GCC2: variants seen among roughly 807,000 people sequenced by gnomAD.
The protein encoded by GCC2 is GRIP and coiled-coil domain-containing protein 2.
In GCC2, 120 loss-of-function variants were observed where a neutral mutation model predicts 210.6. The ratio of observed to expected loss-of-function variants is 0.57; its 90% CI spans 0.49 to 0.66. GCC2 has a LOEUF of 0.66. Ranked by LOEUF, GCC2 falls within the 30% of genes least tolerant of loss-of-function variation. The probability of loss-of-function intolerance (pLI) is 0.00; values close to 1 mark genes in which losing one functional copy is unlikely to be tolerated. For missense variants in GCC2, 1,868 were observed against 1,871.9 expected, an observed-to-expected ratio of 1.00 and a Z score of 0.04; for synonymous variants, 703 against 652.7, an observed-to-expected ratio of 1.08 and a Z score of -1.17.
intron 3 of GCC2, among the ~76,000 whole-genome samples, chr2:108,451,772 T>G (rs1485468020): frequency 1.3e-5 from 2 of 152,050 alleles, no homozygotes; most frequent in Non-Finnish European, 2.9e-5. Flanking sequence ...TGGAAAGAAG[T>G]TCTAGGCCTG....
At position 108,471,109 on chromosome 2, in the gene GCC2, G is replaced by A. The variant is rs550791699; in HGVS notation, c.1780G>A (p.Glu594Lys). Residue 594 changes from glutamate (E) to lysine (K), a missense_variant, in exon 6 of 23, where the codon GAG becomes AAG. By Grantham distance (56) the Glu-to-Lys change is moderately conservative. Transcript: ENST00000309863. ...AGAAGGAAAGATAAATTCTCTTACT[G>A]AGGAAAAAGATGATTTTATAAATAA... is the stretch of plus-strand genomic sequence containing the variant. ...ELEGKINSLT[E>K]EKDDFINKLK... 1.3e-6 allele frequency: 2 copies of A among 1,582,598 alleles called. No homozygotes were observed. Among genetic ancestry groups the A allele is most frequent in the Non-Finnish European group, 1.7e-6 (2 of 1,155,598 alleles).
At chr2:108,482,041 G>C (rs1213925982) in intron 10 of GCC2, among the ~76,000 whole-genome samples, 1 of 152,044 alleles carries the variant, frequency 6.6e-6, no homozygotes. Context: ...TTTGTTTGGG[G>C]GTTTGTTTGT....
intron 19 of GCC2, 105 bp from the exon 20 acceptor site, chr2:108,495,186 T>C: frequency 1.6e-6 from 1 of 623,706 alleles, no homozygotes; most frequent in South Asian, 2.0e-5. Flanking sequence ...ACTTAATTCC[T>C]CTACTCTTAT....
chr2:108,462,572 T>TC (rs1680655853), intron 4 of GCC2: 1 of 140,978 alleles, frequency 7.1e-6, no homozygotes, highest in Non-Finnish European at 1.6e-5. Context: ...TTTTTTTTTT[T>TC]TTTTTTTTGA....
At chr2:108,449,335 G>C (rs1190732493) in intron 1 of GCC2, 55 bp downstream of exon 1, 3 of 1,537,298 alleles carry the variant, frequency 2.0e-6, no homozygotes, top group South Asian at 1.2e-5. Context: ...CGCGATTTGG[G>C]ATGTGGGAGT....
intron 15 of GCC2, 147 bp downstream of exon 15, chr2:108,486,055 C>T (rs1186157439): frequency 8.9e-6 from 5 of 562,518 alleles, no homozygotes; most frequent in East Asian, 6.0e-5. Context: ...TCAAGTCTGG[C>T]ATATAACTGG....
chr2:108,452,310 G>T (rs1679986931), intron 3 of GCC2, 89 bp from the exon 4 acceptor site: 1 of 764,790 alleles, frequency 1.3e-6, no homozygotes, highest in Non-Finnish European at 2.4e-6. Flanking sequence ...GCAGATTTAT[G>T]GGGGGTTTTG....
chr2:108,492,609 A>C lies in GCC2; in HGVS notation c.4266A>C (p.Lys1422Asn), dbSNP rs1682458242. The C allele has an allele frequency of 6.2e-7, 1 of 1,613,368 alleles. No individual in the cohort carries two copies. The highest frequency in any genetic ancestry group is 1.3e-5 in the African/African-American group (1 of 74,928). Residue 1422 changes from lysine (K) to asparagine (N), a missense_variant, in exon 19 of 23, where the codon AAA (lysine) becomes AAC (asparagine). By Grantham distance (94) the Lys-to-Asn change is moderately conservative. Around this residue, in one of 3 missense-constraint regions of GCC2, gnomAD observed 1,847 missense variants for 1,765.2 expected, o/e 1.05. Transcript: ENST00000309863. ...TACAGTCAGAGAACATGATGATGAA[A>C]TCTGAACATACACAGACTGTGAGTC... ...CSIQSENMMM[K>N]SEHTQTVSQL...
rs1360736429 is a variant in GCC2, at chr2:108,496,980, A to G, written c.4653A>G (p.Leu1551=). 2 of 1,612,048 alleles carry G rather than the reference A, an allele frequency of 1.2e-6. No individual in the cohort carries two copies. The highest frequency in any genetic ancestry group is 1.7e-6 in the Non-Finnish European group (2 of 1,179,858). The change falls in exon 21 of 23, where the codon TTA becomes TTG. Residue 1551 remains leucine, a synonymous_variant. Coordinates refer to ENST00000309863, the MANE Select transcript of GCC2 (RefSeq NM_181453.4). ...AACAACATGTTGCAGAGCCTCCATT[A>G]TGGCATGCTGAATTTACCAAAGAAG... ...NSPETKLEPP[L]WHAEFTKEEL...
chr2:108,468,925 T>A, intron 4 of GCC2, 55 bp from the exon 5 acceptor site: 1 of 1,096,042 alleles, frequency 9.1e-7, no homozygotes, highest in South Asian at 1.2e-5. Context: ...TAATTACGCA[T>A]GTGGTCAATC....
chr2:108,450,750 C>T (rs1171553156), intron 2 of GCC2, among the ~76,000 whole-genome samples: 1 of 152,074 alleles, frequency 6.6e-6, no homozygotes, highest in African/African-American at 2.4e-5. Flanking sequence ...GACGTGGTAG[C>T]GGGCGCCTAT....
intron 17 of GCC2, among the ~76,000 whole-genome samples, chr2:108,488,604 ACTTTT>A: frequency 6.6e-6 from 1 of 152,184 alleles, no homozygotes; most frequent in East Asian, 1.9e-4. Flanking sequence ...CTAGAATTAA[ACTTTT>A]CTTATTTATG....
chr2:108,503,320 TA>T (rs1159045841), intron 22 of GCC2, among the ~76,000 whole-genome samples: 1 of 152,172 alleles, frequency 6.6e-6, no homozygotes, highest in African/African-American at 2.4e-5. Flanking sequence ...TCTCATGTAC[TA>T]AAAGAAATAA....
In GCC2 at chr2:108,470,931, C is replaced by G; in HGVS notation, c.1602C>G (p.Leu534=). ...CTTTTACTGAAAAAGATGCCCTTCT[C>G]GAAACTGTGAATCGCCTCCAGGGAG... is the stretch of plus-strand genomic sequence containing the variant. ...RTAFTEKDAL[L]ETVNRLQGEN... Residue 534 remains leucine (L), a synonymous_variant, in exon 6 of 23, where the codon CTC becomes CTG. Coordinates refer to ENST00000309863, the MANE Select transcript of GCC2 (RefSeq NM_181453.4). 4 of 1,613,264 alleles carry G rather than the reference C, an allele frequency of 2.5e-6. No individual in the cohort carries two copies. Among genetic ancestry groups the G allele is most frequent in the Non-Finnish European group, 3.4e-6 (4 of 1,179,516 alleles).
Position 108,471,395 on chromosome 2 carries a change from C to G in GCC2, c.2066C>G (p.Ser689Cys). ...DKEVLSAEVK[S>C]LYEENNKLSS... ...GAAGTATTGTCAGCTGAAGTGAAGT[C>G]TCTTTATGAGGAAAACAATAAACTC... The change falls in exon 6 of 23, where the codon TCT (serine) becomes TGT (cysteine). Residue 689 changes from serine to cysteine, a missense_variant. Physicochemically the swap from Ser to Cys is moderately radical, Grantham distance 112. This residue lies in a region of GCC2 where 1,847 missense variants were observed against 1,765.2 expected (regional missense o/e 1.05). Coordinates refer to ENST00000309863, the MANE Select transcript of GCC2 (RefSeq NM_181453.4). 6.2e-7 allele frequency: 1 copy of G among 1,607,124 alleles called. No individual in the cohort carries two copies. Among genetic ancestry groups the G allele is most frequent in the Non-Finnish European group, 8.5e-7 (1 of 1,178,158 alleles).
At chr2:108,503,698 G>C (rs1464406844) in intron 22 of GCC2, among the ~76,000 whole-genome samples, 1 of 152,166 alleles carries the variant, frequency 6.6e-6, no homozygotes, top group Non-Finnish European at 1.5e-5. Context: ...GGAGGCAAAT[G>C]TTTATAATCT....
chr2:108,451,060 G>C lies in GCC2; in HGVS notation c.96G>C (p.Lys32Asn), dbSNP rs748649753. ...CATTGCCCAAAGAAGACCTCATCAA[G>C]TTTGCCAAGAAACAGATGATGCTAA... The part of the protein sequence containing the change: ...LETLPKEDLI[K>N]FAKKQMMLIQ... Residue 32 changes from lysine (K) to asparagine (N), a missense_variant, in exon 3 of 23, where the codon AAG becomes AAC. Lys to Asn is a moderately conservative substitution (Grantham distance 94, BLOSUM62 0). Around this residue, in one of 3 missense-constraint regions of GCC2, gnomAD observed 1,847 missense variants for 1,765.2 expected, o/e 1.05. Coordinates refer to ENST00000309863, the MANE Select transcript of GCC2 (RefSeq NM_181453.4). The C allele has an allele frequency of 6.2e-7, 1 of 1,613,364 alleles. No individual in the cohort carries two copies. Among genetic ancestry groups the C allele is most frequent in the South Asian group, 1.1e-5 (1 of 91,054 alleles).
intron 4 of GCC2, among the ~76,000 whole-genome samples, chr2:108,459,446 A>G (rs920125274): frequency 3.3e-5 from 5 of 152,194 alleles, no homozygotes; most frequent in South Asian, 4.1e-4. Context: ...GTTGAGAAAA[A>G]TATGTATTCT....
intron 1 of GCC2, 70 bp downstream of exon 1, chr2:108,449,350 C>A: frequency 6.6e-7 from 1 of 1,522,364 alleles, no homozygotes; most frequent in Non-Finnish European, 8.9e-7. Context: ...GGGAGTGGGC[C>A]CGATGGGAGG....
Sources: allele counts gnomAD v4.1 joint callset (sites outside exome capture counted in the v4.1 genomes callset), GRCh38; gene constraint gnomAD v4.1.1; regional missense constraint gnomAD v4.1.1; transcripts MANE v1.5; gene names NCBI Gene and HGNC (gene_info 2026-07-23, HGNC 2026-07-21).